Variants in DSCAM observed in about 807,000 individuals in gnomAD.
DSCAM encodes DS cell adhesion molecule.
In DSCAM, 47 loss-of-function variants were observed where a neutral mutation model predicts 217.7. The observed-to-expected ratio is 0.22, with a 90% CI of 0.17 to 0.28. The LOEUF is 0.28. DSCAM is among the 10% of genes least tolerant of loss of function. DSCAM has a pLI of 1.00. For missense variants in DSCAM, 2,080 were observed against 2,618.3 expected (o/e 0.79, Z 4.49); for synonymous variants, 1,056 against 1,015.3 (o/e 1.04, Z -0.76).
chr21:40,578,715 G>A (rs990735031), intron 3 of DSCAM, among the ~76,000 whole-genome samples: 1 of 152,188 alleles, frequency 6.6e-6, no homozygotes, highest in Non-Finnish European at 1.5e-5. Flanking sequence ...GTGAGGGTCT[G>A]CGGCTTCACT....
chr21:40,737,000 A>C (rs1382156276), intron 1 of DSCAM, among the ~76,000 whole-genome samples: 3 of 152,244 alleles, frequency 2.0e-5, no homozygotes, highest in Non-Finnish European at 4.4e-5. Context: ...TAAAATGTTA[A>C]GCAGAAAGCA....
intron 3 of DSCAM, among the ~76,000 whole-genome samples, chr21:40,482,936 G>T (rs576310630): frequency 6.6e-6 from 1 of 152,282 alleles, no homozygotes; most frequent in African/African-American, 2.4e-5. Flanking sequence ...CACACAGCCC[G>T]CCTAATTGTG....
chr21:40,343,488 G>A (rs2074521837), intron 6 of DSCAM, among the ~76,000 whole-genome samples: 1 of 152,152 alleles, frequency 6.6e-6, no homozygotes, highest in African/African-American at 2.4e-5. Flanking sequence ...AATTCTTTAT[G>A]CTGAATGGAT....
At position 40,329,863 on chromosome 21, in the gene DSCAM, A is replaced by G. The variant is rs73371775; in HGVS notation, c.1783+8238T>C. ...GGTTGATCTTATAGAAGTAGAAAGGAGAATGGTGGTTCCCAAGGGCTGGAG... is the reference window on the plus strand; with the variant it reads ...GGTTGATCTTATAGAAGTAGAAAGGGGAATGGTGGTTCCCAAGGGCTGGAG... On this transcript the variant is annotated intron_variant, in intron 8 of 32. Transcript: ENST00000400454. Among the ~76,000 whole-genome samples the G allele has an allele frequency of 3.2e-3, 486 of 152,130 alleles. 2 individuals are homozygous for G. The highest frequency in any genetic ancestry group is 0.011 in the African/African-American group (456 of 41,540).
intron 4 of DSCAM, among the ~76,000 whole-genome samples, chr21:40,364,590 A>G (rs1228403571): frequency 6.6e-6 from 1 of 151,412 alleles, no homozygotes; most frequent in Non-Finnish European, 1.5e-5. Context: ...ATGACGAGTT[A>G]ATGGGTGCAG....
At chr21:40,147,702 C>T (rs181879975) in intron 16 of DSCAM, among the ~76,000 whole-genome samples, 1 of 152,298 alleles carries the variant, frequency 6.6e-6, no homozygotes, top group East Asian at 1.9e-4. Context: ...CCCCACATAG[C>T]TGTGTTTGTA....
intron 3 of DSCAM, among the ~76,000 whole-genome samples, chr21:40,545,191 C>T (rs2076572087): frequency 6.6e-6 from 1 of 152,192 alleles, no homozygotes; most frequent in African/African-American, 2.4e-5. Context: ...CTGAAAGCCA[C>T]ATGGACATCA....
intron 4 of DSCAM, among the ~76,000 whole-genome samples, chr21:40,366,214 T>C (rs1281897297): frequency 1.3e-5 from 2 of 152,180 alleles, no homozygotes; most frequent in East Asian, 1.9e-4. Context: ...TTTTTTTGAA[T>C]TAGTGTTTTA....
Position 40,577,273 on chromosome 21 carries a change from C to A in DSCAM, c.508+115537G>T, listed in dbSNP as rs570254311. 1.1e-4 allele frequency among the ~76,000 whole-genome samples: 17 copies of A among 150,096 alleles called. 1 individual carries two copies. In the South Asian group the frequency reaches 3.4e-3, roughly 30 times the overall value. On this transcript the variant is annotated intron_variant, in intron 3 of 32. Coordinates refer to ENST00000400454, the MANE Select transcript of DSCAM (RefSeq NM_001389.5). ...AAAAAAAAAAGAGTCCTTTATTAGCCGGCGACCAGGCCGCTTCCCTCTTAC... is the reference window on the plus strand; with the variant it reads ...AAAAAAAAAAGAGTCCTTTATTAGCAGGCGACCAGGCCGCTTCCCTCTTAC...
rs768456923 is a variant in DSCAM at position 40,213,237 on chromosome 21, G to A, written c.2357-23999C>T. On this transcript the variant is annotated intron_variant, in intron 11 of 32. Coordinates refer to ENST00000400454, the MANE Select transcript of DSCAM (RefSeq NM_001389.5). ...TATTCCACGTTTTGCTTTATTTTGG[G>A]TATCAAGGCTTCTAGGGCATATTTT... Among the ~76,000 whole-genome samples, 3 of 152,078 alleles carry A rather than the reference G, an allele frequency of 2.0e-5. No homozygotes were observed. In the East Asian group the frequency reaches 5.8e-4, roughly 29 times the overall value.
intron 1 of DSCAM, among the ~76,000 whole-genome samples, chr21:40,787,958 A>T (rs1010007267): frequency 1.3e-5 from 2 of 152,196 alleles, no homozygotes; most frequent in Non-Finnish European, 2.9e-5. Context: ...TATGATAGAT[A>T]AAGAGGATTG....
At chr21:40,515,841 G>A (rs1054133207) in intron 3 of DSCAM, among the ~76,000 whole-genome samples, 1 of 152,098 alleles carries the variant, frequency 6.6e-6, no homozygotes, top group Admixed American at 6.6e-5. Flanking sequence ...TATAATACAT[G>A]AAATCATTCT....
intron 14 of DSCAM, among the ~76,000 whole-genome samples, chr21:40,185,856 C>T (rs2090888896): frequency 1.3e-5 from 2 of 152,144 alleles, no homozygotes; most frequent in South Asian, 2.1e-4. Flanking sequence ...CACTGTGCCT[C>T]ACCCCTGAGC....
At chr21:40,564,728 C>T (rs543441043) in intron 3 of DSCAM, among the ~76,000 whole-genome samples, 1 of 152,318 alleles carries the variant, frequency 6.6e-6, no homozygotes, top group Admixed American at 6.5e-5. Context: ...CTTCTGTGTC[C>T]TATTCTGCCA....
chr21:40,345,518 T>G (rs907452056), intron 6 of DSCAM, among the ~76,000 whole-genome samples: 1 of 152,232 alleles, frequency 6.6e-6, no homozygotes, highest in African/African-American at 2.4e-5. Flanking sequence ...TATTCTTTTT[T>G]AAAATCATTC....
chr21:40,470,933 A>G (rs2145967588), intron 3 of DSCAM, among the ~76,000 whole-genome samples: 1 of 152,338 alleles, frequency 6.6e-6, no homozygotes, highest in South Asian at 2.1e-4. Flanking sequence ...CCACATGTAG[A>G]AGACAAATTA....
chr21:40,459,906 A>T (rs1390225447), intron 3 of DSCAM, among the ~76,000 whole-genome samples: 1 of 152,180 alleles, frequency 6.6e-6, no homozygotes, highest in African/African-American at 2.4e-5. Flanking sequence ...GAACTTGTGG[A>T]AAAAACTAAA....
At chr21:40,183,038 AG>A (rs1284847837) in intron 14 of DSCAM, among the ~76,000 whole-genome samples, 1 of 20,646 alleles carries the variant, frequency 4.8e-5, no homozygotes, top group Non-Finnish European at 8.9e-5. Context: ...AACCGTGGAC[AG>A]GAGGGGGCTA....
intron 1 of DSCAM, among the ~76,000 whole-genome samples, chr21:40,791,907 A>G (rs543876245): frequency 1.3e-5 from 2 of 152,056 alleles, no homozygotes; most frequent in Non-Finnish European, 2.9e-5. Context: ...TCACGATTTC[A>G]GGACTAGAGA....
Sources: allele counts gnomAD v4.1 joint callset (sites outside exome capture counted in the v4.1 genomes callset), GRCh38; gene constraint gnomAD v4.1.1; transcripts MANE v1.5; gene names NCBI Gene and HGNC (gene_info 2026-07-23, HGNC 2026-07-21).